NUDCD1: variants seen among roughly 807,000 people sequenced by gnomAD.
NUDCD1 encodes the protein nudC domain-containing protein 1.
Under a neutral mutation model 67.8 loss-of-function variants are expected in NUDCD1, and 60 were observed. The ratio of observed to expected loss-of-function variants is 0.88; its 90% CI spans 0.72 to 1.10. The LOEUF is 1.10. Ranked by LOEUF, NUDCD1 falls within the 50% of genes least tolerant of loss-of-function variation. The pLI, the probability that NUDCD1 is intolerant of heterozygous loss-of-function variation, is 0.00. For synonymous variants in NUDCD1, 244 were observed against 230.8 expected, an observed-to-expected ratio of 1.06 and a Z score of -0.52; for missense variants, 643 against 695.0, an observed-to-expected ratio of 0.93 and a Z score of 0.84.
chr8:109,242,786 CT>C lies in NUDCD1; in HGVS notation c.*222del, dbSNP rs5893947. 100,491 of 273,048 alleles carry C rather than the reference CT, an allele frequency of 0.37. 15,954 individuals carry two copies. The highest frequency in any genetic ancestry group is 0.46 in the East Asian group (7,059 of 15,508). 16.9% of individuals were successfully genotyped at this position (273,048 alleles called of 1,614,324 possible). On this transcript the variant is annotated 3_prime_UTR_variant, in exon 10 of 10. Coordinates refer to ENST00000239690, the MANE Select transcript of NUDCD1 (RefSeq NM_032869.4). ...TATACTTGCTAGTACTATCTTCACTCTTTTTTTTTTTCAGAAGCCAATGTTC... is the reference window on the plus strand; with the variant it reads ...TATACTTGCTAGTACTATCTTCACTCTTTTTTTTTTCAGAAGCCAATGTTC...
chr8:109,276,479 T>C (rs1270663296), intron 6 of NUDCD1, among the ~76,000 whole-genome samples: 1 of 152,184 alleles, frequency 6.6e-6, no homozygotes, highest in Non-Finnish European at 1.5e-5. Flanking sequence ...AGTTATCAAA[T>C]AGGACACGCA....
At chr8:109,333,785 C>G in intron 1 of NUDCD1, 108 bp downstream of exon 1, 2 of 1,227,278 alleles carry the variant, frequency 1.6e-6, no homozygotes, top group South Asian at 1.4e-5. Context: ...CAAGCCGCCA[C>G]GGTGGCTTCG....
At chr8:109,263,082 CT>C (rs1183902269) in intron 8 of NUDCD1, among the ~76,000 whole-genome samples, 1 of 95,660 alleles carries the variant, frequency 1.0e-5, no homozygotes, top group Non-Finnish European at 2.3e-5. Flanking sequence ...AAAAAAAACC[CT>C]GAACCCTCTC....
intron 9 of NUDCD1, among the ~76,000 whole-genome samples, chr8:109,245,083 G>C (rs1321384679): frequency 1.3e-5 from 2 of 152,056 alleles, no homozygotes; most frequent in African/African-American, 4.8e-5. Context: ...CAAGTGGTTA[G>C]ATAACCACTT....
At chr8:109,292,763 T>G (rs535574039) in intron 4 of NUDCD1, among the ~76,000 whole-genome samples, 11 of 152,214 alleles carry the variant, frequency 7.2e-5, no homozygotes, top group Non-Finnish European at 1.6e-4. Flanking sequence ...TTGTAATTTT[T>G]AATGTCAAGT....
intron 5 of NUDCD1, among the ~76,000 whole-genome samples, chr8:109,285,614 C>A (rs764770007): frequency 6.6e-6 from 1 of 152,036 alleles, no homozygotes; most frequent in Non-Finnish European, 1.5e-5. Flanking sequence ...ATCCAACATC[C>A]CTTCACTATA....
chr8:109,311,712 G>C (rs925061255), intron 2 of NUDCD1, among the ~76,000 whole-genome samples: 3 of 151,886 alleles, frequency 2.0e-5, no homozygotes, highest in Admixed American at 6.5e-5. Flanking sequence ...GTAAGTGGGA[G>C]CTAAGCTATG....
chr8:109,325,650 A>C (rs775437467), intron 1 of NUDCD1, among the ~76,000 whole-genome samples: 18 of 152,260 alleles, frequency 1.2e-4, no homozygotes, highest in Admixed American at 6.5e-5. Context: ...CAGAGCAACA[A>C]GGGGACTTGT....
intron 1 of NUDCD1, among the ~76,000 whole-genome samples, chr8:109,329,293 A>G (rs1249027025): frequency 1.3e-5 from 2 of 152,134 alleles, no homozygotes; most frequent in African/African-American, 2.4e-5. Flanking sequence ...AAAGGAGGGG[A>G]AAAAGTTGGA....
chr8:109,275,685 T>C (rs1814269685), intron 6 of NUDCD1, among the ~76,000 whole-genome samples, 189 bp from the exon 7 acceptor site: 1 of 152,140 alleles, frequency 6.6e-6, no homozygotes, highest in Non-Finnish European at 1.5e-5. Context: ...TGGCAAATAG[T>C]CCAGATTTAA....
chr8:109,269,834 T>C (rs1015455228), intron 8 of NUDCD1, among the ~76,000 whole-genome samples: 1 of 151,478 alleles, frequency 6.6e-6, no homozygotes, highest in South Asian at 2.1e-4. Flanking sequence ...AATTAGCCAC[T>C]GATTTGCTGA....
At chr8:109,296,268 TCAAA>T (rs1480222302) in intron 3 of NUDCD1, 112 bp downstream of exon 3, 4 of 816,158 alleles carry the variant, frequency 4.9e-6, no homozygotes, top group Non-Finnish European at 8.0e-6. Flanking sequence ...ACATTATATA[TCAAA>T]CAAACAACAG....
chr8:109,273,943 T>C (rs550971141), intron 7 of NUDCD1, among the ~76,000 whole-genome samples: 5 of 152,140 alleles, frequency 3.3e-5, no homozygotes, highest in South Asian at 2.1e-4. Context: ...GCAAATCAAA[T>C]TCAGCAATAT....
At chr8:109,313,602 T>G (rs1239588836) in intron 2 of NUDCD1, among the ~76,000 whole-genome samples, 1 of 152,194 alleles carries the variant, frequency 6.6e-6, no homozygotes, top group Non-Finnish European at 1.5e-5. Context: ...AAGGTATTAG[T>G]AAGATACAAT....
intron 4 of NUDCD1, among the ~76,000 whole-genome samples, chr8:109,291,317 G>A (rs989197555): frequency 3.9e-5 from 6 of 152,106 alleles, no homozygotes; most frequent in Non-Finnish European, 2.9e-5. Context: ...TAATGTTTCT[G>A]TAATTTTTGT....
At chr8:109,248,017 G>A (rs1238762242) in intron 8 of NUDCD1, among the ~76,000 whole-genome samples, 1 of 152,138 alleles carries the variant, frequency 6.6e-6, no homozygotes, top group African/African-American at 2.4e-5. Flanking sequence ...GGAATATGTG[G>A]GTAGACTCAA....
At chr8:109,322,924 T>C (rs187339286) in intron 1 of NUDCD1, among the ~76,000 whole-genome samples, 3 of 152,344 alleles carry the variant, frequency 2.0e-5, no homozygotes, top group Admixed American at 1.3e-4. Flanking sequence ...TATACAGTTA[T>C]ATAAATAAAT....
chr8:109,257,184 C>T (rs1813759910), intron 8 of NUDCD1, among the ~76,000 whole-genome samples: 2 of 152,004 alleles, frequency 1.3e-5, no homozygotes, highest in African/African-American at 2.4e-5. Context: ...AAAACGTATG[C>T]AGATTGGAAA....
intron 8 of NUDCD1, among the ~76,000 whole-genome samples, chr8:109,267,427 T>C (rs999577050): frequency 3.3e-5 from 5 of 152,200 alleles, no homozygotes; most frequent in Non-Finnish European, 2.9e-5. Context: ...GAAAAGAGAA[T>C]GCTTATACAC....
Sources: gnomAD v4.1 joint callset for allele counts (sites outside exome capture counted in the v4.1 genomes callset) on GRCh38, gnomAD v4.1.1 for gene constraint, MANE v1.5 for transcripts, NCBI Gene and HGNC (gene_info 2026-07-23, HGNC 2026-07-21) for gene names.